Variants in FBXL2 observed in about 807,000 individuals in gnomAD.
FBXL2 encodes F-box and leucine rich repeat protein 2.
Under a neutral mutation model 69.2 loss-of-function variants are expected in FBXL2, and 38 were observed. The observed-to-expected ratio is 0.55, with a 90% CI of 0.42 to 0.72. FBXL2 has a LOEUF of 0.72. Ranked by LOEUF, FBXL2 falls within the 30% of genes least tolerant of loss-of-function variation. FBXL2 has a pLI of 0.00. For synonymous variants in FBXL2, 192 were observed against 201.3 expected (o/e 0.95, Z 0.39); for missense variants, 354 against 520.3 (o/e 0.68, Z 3.11).
chr3:33,365,136 A>G (rs2041868866), intron 5 of FBXL2, among the ~76,000 whole-genome samples: 1 of 152,172 alleles, frequency 6.6e-6, no homozygotes, highest in Non-Finnish European at 1.5e-5. Context: ...TAAAATAACT[A>G]TTTCAAAAAT....
chr3:33,302,349 A>G (rs2036368631), intron 2 of FBXL2, among the ~76,000 whole-genome samples: 1 of 152,152 alleles, frequency 6.6e-6, no homozygotes, highest in Non-Finnish European at 1.5e-5. Flanking sequence ...CTGATTTACA[A>G]CTGCAATTAC....
chr3:33,399,682 G>A (rs1042934454), intron 12 of FBXL2, among the ~76,000 whole-genome samples: 1 of 152,192 alleles, frequency 6.6e-6, no homozygotes, highest in Non-Finnish European at 1.5e-5. Flanking sequence ...CGAAGGGGTA[G>A]CAGGAGGGAG....
At chr3:33,309,813 C>T (rs965478028) in intron 2 of FBXL2, among the ~76,000 whole-genome samples, 2 of 152,090 alleles carry the variant, frequency 1.3e-5, no homozygotes, top group African/African-American at 4.8e-5. Flanking sequence ...TACCACAAGG[C>T]TTACATAAAA....
rs370862715 is a variant in FBXL2, at chr3:33,364,658, G to A, written c.229G>A (p.Gly77Ser). The A allele has an allele frequency of 6.2e-6, 10 of 1,614,020 alleles. No homozygotes were observed. The highest frequency in any genetic ancestry group is 6.8e-6 in the Non-Finnish European group (8 of 1,180,026). Reference sequence around the variant, plus strand: ...GGTGGAAAATATCTCGAAGCGATGCGGTGGATTCCTGAGGAAGCTCAGCTT... The same window carrying A: ...GGTGGAAAATATCTCGAAGCGATGCAGTGGATTCCTGAGGAAGCTCAGCTT... Reference protein sequence around the residue: ...RVVENISKRCGGFLRKLSLRG... With the variant: ...RVVENISKRCSGFLRKLSLRG... Residue 77 changes from glycine to serine, a missense_variant, in exon 5 of 15, where the codon GGT becomes AGT. Physicochemically the swap from Gly to Ser is moderately conservative, Grantham distance 56. Coordinates refer to ENST00000484457, the MANE Select transcript of FBXL2 (RefSeq NM_012157.5).
chr3:33,396,116 C>G (rs753420743), intron 12 of FBXL2: 1 of 1,481,118 alleles, frequency 6.8e-7, no homozygotes, highest in Non-Finnish European at 9.2e-7. Flanking sequence ...CCGTTTCTGT[C>G]TGACAGTCTC....
intron 2 of FBXL2, among the ~76,000 whole-genome samples, chr3:33,310,161 A>AT (rs1173754996): frequency 6.6e-6 from 1 of 150,462 alleles, no homozygotes; most frequent in African/African-American, 2.5e-5. Flanking sequence ...ATTTTATTTT[A>AT]TTTTTTTGGA....
At chr3:33,351,003 C>T (rs907973490) in intron 2 of FBXL2, among the ~76,000 whole-genome samples, 2 of 151,974 alleles carry the variant, frequency 1.3e-5, no homozygotes, top group Non-Finnish European at 2.9e-5. Flanking sequence ...TGGTAGCTCA[C>T]GCCTGTAATC....
rs573033094 is a variant in FBXL2 at position 33,315,784 on chromosome 3, G to A, written c.65+18059G>A. The stretch of plus-strand genomic sequence containing the variant: ...GGTTACAGTTTTAATCTGTTTTGTG[G>A]ACATATCTTTCTGGTATGTTTTAAT... On this transcript the variant is annotated intron_variant, in intron 2 of 14. Coordinates refer to ENST00000484457, the MANE Select transcript of FBXL2 (RefSeq NM_012157.5). 6.6e-5 allele frequency among the ~76,000 whole-genome samples: 10 copies of A among 151,922 alleles called. No individual in the cohort carries two copies. In the East Asian group the frequency reaches 1.9e-3, roughly 29 times the overall value.
chr3:33,411,090 A>AAAAAAAAAAAAG, the FBXL2 span, among the ~76,000 whole-genome samples: 1 of 151,520 alleles, frequency 6.6e-6, no homozygotes, highest in African/African-American at 2.4e-5. Flanking sequence ...AAAAAAAAAA[A>AAAAAAAAAAAAG]GTGCTCCAAG....
chr3:33,419,745 A>C, the FBXL2 span, among the ~76,000 whole-genome samples: 1 of 152,196 alleles, frequency 6.6e-6, no homozygotes, highest in African/African-American at 2.4e-5. Flanking sequence ...TTGAGAGAAC[A>C]ACCAGACTTT....
At chr3:33,295,071 G>C (rs2035611717) in intron 1 of FBXL2, among the ~76,000 whole-genome samples, 1 of 151,940 alleles carries the variant, frequency 6.6e-6, no homozygotes, top group Non-Finnish European at 1.5e-5. Flanking sequence ...GTTTGTTTTG[G>C]TGGATTGTTT....
At chr3:33,370,594 G>T (rs528583788) in intron 5 of FBXL2, among the ~76,000 whole-genome samples, 1 of 152,002 alleles carries the variant, frequency 6.6e-6, no homozygotes, top group Admixed American at 6.6e-5. Flanking sequence ...GCTGTTTTTA[G>T]GGTTTTCCTA....
chr3:33,407,482 T>C (rs917014073), downstream of FBXL2, among the ~76,000 whole-genome samples: 6 of 151,814 alleles, frequency 4.0e-5, no homozygotes, highest in Non-Finnish European at 8.8e-5. Flanking sequence ...AAAACAAAAT[T>C]GCTGGGGCGG....
intron 2 of FBXL2, among the ~76,000 whole-genome samples, chr3:33,301,185 T>A (rs959698867): frequency 3.3e-5 from 5 of 152,222 alleles, no homozygotes; most frequent in Non-Finnish European, 5.9e-5. Context: ...TACCCTTGGC[T>A]TATATTTTTA....
At chr3:33,293,900 C>A (rs1357049297) in intron 1 of FBXL2, among the ~76,000 whole-genome samples, 2 of 152,178 alleles carry the variant, frequency 1.3e-5, no homozygotes, top group Non-Finnish European at 2.9e-5. Context: ...GAACACTTAA[C>A]CCAATCACAC....
At chr3:33,298,959 C>T (rs936802989) in intron 2 of FBXL2, among the ~76,000 whole-genome samples, 1 of 151,554 alleles carries the variant, frequency 6.6e-6, no homozygotes, top group African/African-American at 2.4e-5. Flanking sequence ...ATGTGCATGG[C>T]GATGATACAA....
chr3:33,370,899 A>C (rs2042256900), intron 5 of FBXL2, among the ~76,000 whole-genome samples: 2 of 152,086 alleles, frequency 1.3e-5, no homozygotes, highest in Non-Finnish European at 2.9e-5. Context: ...GTTTTCATAA[A>C]GTTTGGGGAA....
chr3:33,418,611 C>A, the FBXL2 span, among the ~76,000 whole-genome samples: 1 of 151,792 alleles, frequency 6.6e-6, no homozygotes, highest in Non-Finnish European at 1.5e-5. Context: ...GTAATCCCAG[C>A]ACTTTGGGAG....
chr3:33,399,861 G>A (rs1449531551), intron 12 of FBXL2, among the ~76,000 whole-genome samples: 2 of 152,106 alleles, frequency 1.3e-5, no homozygotes, highest in African/African-American at 4.8e-5. Context: ...TACTAGCTCT[G>A]TAACTTACTG....
Sources: gnomAD v4.1 joint callset for allele counts (sites outside exome capture counted in the v4.1 genomes callset) on GRCh38, gnomAD v4.1.1 for gene constraint, MANE v1.5 for transcripts, NCBI Gene and HGNC (gene_info 2026-07-23, HGNC 2026-07-21) for gene names.